The following SLC9A9 variants were observed in gnomAD, a reference collection of about 807,000 sequenced individuals.
SLC9A9 encodes sodium/hydrogen exchanger 9.
In SLC9A9, 62 loss-of-function variants were observed where a neutral mutation model predicts 77.8. The ratio of observed to expected loss-of-function variants is 0.80; its 90% CI spans 0.65 to 0.98. The LOEUF (loss-of-function observed/expected upper bound fraction) is 0.98, where lower values mean the gene tolerates loss of function less well. SLC9A9 is among the 50% of genes least tolerant of loss of function. The pLI, the probability that SLC9A9 is intolerant of heterozygous loss-of-function variation, is 0.00. For missense variants in SLC9A9, 775 were observed against 774.9 expected (o/e 1.00, Z 0.00); for synonymous variants, 320 against 283.5 (o/e 1.13, Z -1.29).
chr3:143,528,745 A>G (rs1203822333), intron 9 of SLC9A9, among the ~76,000 whole-genome samples: 1 of 152,160 alleles, frequency 6.6e-6, no homozygotes, highest in Non-Finnish European at 1.5e-5. Context: ...AAGGAGAATA[A>G]GCCACCTTCT....
intron 14 of SLC9A9, among the ~76,000 whole-genome samples, chr3:143,349,652 C>A (rs577417921): frequency 6.6e-5 from 10 of 152,154 alleles, no homozygotes; most frequent in Non-Finnish European, 1.5e-4. Context: ...TGACAAAGAT[C>A]TGAACCTAGC....
intron 12 of SLC9A9, among the ~76,000 whole-genome samples, chr3:143,428,328 T>C (rs2034444337): frequency 6.6e-6 from 1 of 151,434 alleles, no homozygotes; most frequent in Admixed American, 6.6e-5. Flanking sequence ...TATGAAAAAA[T>C]ACTGAACATG....
chr3:143,427,831 C>T (rs1268953022), intron 12 of SLC9A9, among the ~76,000 whole-genome samples: 1 of 152,178 alleles, frequency 6.6e-6, no homozygotes, highest in Non-Finnish European at 1.5e-5. Context: ...TGGCTGTCAG[C>T]TCATCTTTCA....
chr3:143,380,847 C>T (rs2033285903), intron 13 of SLC9A9, among the ~76,000 whole-genome samples: 1 of 152,116 alleles, frequency 6.6e-6, no homozygotes, highest in Admixed American at 6.6e-5. Context: ...AGTGTCTTGC[C>T]CAGGAAAACT....
chr3:143,505,192 T>G (rs1482813644), intron 9 of SLC9A9, among the ~76,000 whole-genome samples: 1 of 151,890 alleles, frequency 6.6e-6, no homozygotes, highest in East Asian at 1.9e-4. Context: ...CACTCACCCA[T>G]CCAAGCCAAC....
rs185195569 is a variant in SLC9A9, at chr3:143,296,652, C to T, written c.1605-27672G>A. 3.3e-5 allele frequency among the ~76,000 whole-genome samples: 5 copies of T among 152,332 alleles called. 1 individual carries two copies. The highest frequency in any genetic ancestry group is 1.2e-4 in the African/African-American group (5 of 41,590). On this transcript the variant is annotated intron_variant, in intron 14 of 15. Transcript: ENST00000316549. ...GCACCATTTTACATTCTCACCAACA[C>T]TGTACAAGGGTTACAATTTTTCCAC... is the stretch of plus-strand genomic sequence containing the variant.
At chr3:143,475,524 G>T (rs2035459602) in intron 11 of SLC9A9, among the ~76,000 whole-genome samples, 1 of 151,916 alleles carries the variant, frequency 6.6e-6, no homozygotes, top group African/African-American at 2.4e-5. Context: ...CGGGTGCAGT[G>T]GCTCATGCCT....
intron 6 of SLC9A9, among the ~76,000 whole-genome samples, chr3:143,579,645 A>G (rs2037421204): frequency 6.6e-6 from 1 of 152,188 alleles, no homozygotes; most frequent in Non-Finnish European, 1.5e-5. Flanking sequence ...ACAGGATTTT[A>G]AAAACTAATC....
In SLC9A9 at chr3:143,433,507, A is replaced by G. The variant is rs186502770; in HGVS notation, c.1469+33530T>C. Among the ~76,000 whole-genome samples the G allele has an allele frequency of 3.3e-5, 5 of 152,318 alleles. No homozygotes were observed. In the East Asian group the frequency reaches 9.6e-4, roughly 29 times the overall value. On this transcript the variant is annotated intron_variant, in intron 12 of 15. Transcript: ENST00000316549. ...AAATTATCCAATTTCTCTTTTTATAATAACGTCCAATACATTTAGTGTTCA... is the reference window on the plus strand; with the variant it reads ...AAATTATCCAATTTCTCTTTTTATAGTAACGTCCAATACATTTAGTGTTCA...
intron 4 of SLC9A9, among the ~76,000 whole-genome samples, chr3:143,790,680 A>G (rs1033629796): frequency 3.3e-5 from 5 of 152,226 alleles, no homozygotes; most frequent in African/African-American, 9.6e-5. Flanking sequence ...CTTCATATGT[A>G]AAATAATGAT....
intron 9 of SLC9A9, among the ~76,000 whole-genome samples, chr3:143,543,862 T>G (rs530968407): frequency 2.6e-5 from 4 of 152,304 alleles, no homozygotes; most frequent in African/African-American, 9.6e-5. Flanking sequence ...GAATGCATGA[T>G]TTTTCATAGA....
chr3:143,469,323 A>T (rs531185317), intron 11 of SLC9A9, among the ~76,000 whole-genome samples: 1 of 152,324 alleles, frequency 6.6e-6, no homozygotes, highest in East Asian at 1.9e-4. Context: ...AACACACGAC[A>T]TGCAAGACAT....
At chr3:143,454,781 G>A (rs571009204) in intron 12 of SLC9A9, among the ~76,000 whole-genome samples, 1 of 152,300 alleles carries the variant, frequency 6.6e-6, no homozygotes, top group South Asian at 2.1e-4. Context: ...TCCTTGAGGT[G>A]TAAACTATGG....
intron 14 of SLC9A9, among the ~76,000 whole-genome samples, chr3:143,276,169 G>A (rs773001687): frequency 1.4e-4 from 21 of 152,132 alleles, no homozygotes; most frequent in Non-Finnish European, 2.4e-4. Context: ...GGGCCTTGAC[G>A]ACTCCAGCCT....
intron 4 of SLC9A9, among the ~76,000 whole-genome samples, chr3:143,757,875 A>G (rs1445204913): frequency 6.6e-6 from 1 of 152,124 alleles, no homozygotes; most frequent in African/African-American, 2.4e-5. Flanking sequence ...AGATAACGAG[A>G]TAAGGAGGAG....
chr3:143,663,640 A>G (rs751177286), intron 5 of SLC9A9, among the ~76,000 whole-genome samples: 64 of 152,192 alleles, frequency 4.2e-4, no homozygotes, highest in Non-Finnish European at 8.2e-4. Flanking sequence ...GTGGAGCTGC[A>G]AACCATGGCC....
chr3:143,815,996 C>T (rs2009005935), intron 2 of SLC9A9, among the ~76,000 whole-genome samples: 1 of 152,162 alleles, frequency 6.6e-6, no homozygotes, highest in African/African-American at 2.4e-5. Context: ...GAAATCTAAA[C>T]CAGAGATGTT....
intron 5 of SLC9A9, among the ~76,000 whole-genome samples, chr3:143,671,972 G>A (rs2039161660): frequency 6.6e-6 from 1 of 152,174 alleles, no homozygotes; most frequent in African/African-American, 2.4e-5. Context: ...AATATTAGAT[G>A]CTAAAAGTAG....
intron 12 of SLC9A9, among the ~76,000 whole-genome samples, chr3:143,424,108 C>T (rs983561272): frequency 1.3e-5 from 2 of 152,048 alleles, no homozygotes; most frequent in Non-Finnish European, 2.9e-5. Flanking sequence ...ATTTAAAGGG[C>T]TGAGTGAACA....
Sources: gnomAD v4.1 joint callset for allele counts (sites outside exome capture counted in the v4.1 genomes callset) on GRCh38, gnomAD v4.1.1 for gene constraint, MANE v1.5 for transcripts, NCBI Gene and HGNC (gene_info 2026-07-23, HGNC 2026-07-21) for gene names.